AP4E1: variants seen among roughly 807,000 people sequenced by gnomAD.
AP4E1 encodes adaptor related protein complex 4 subunit epsilon 1, also known as AP-4 complex subunit epsilon-1.
In AP4E1, 56 loss-of-function variants were observed where a neutral mutation model predicts 128.2. That is an observed-to-expected ratio of 0.44 (90% CI 0.35 to 0.55). AP4E1 has a LOEUF of 0.55. AP4E1 is among the 20% of genes least tolerant of loss of function. AP4E1 has a pLI of 0.00. For synonymous variants in AP4E1, 484 were observed against 473.1 expected (o/e 1.02, Z -0.30); for missense variants, 1,324 against 1,307.7 (o/e 1.01, Z -0.19).
intron 10 of AP4E1, among the ~76,000 whole-genome samples, chr15:50,946,943 G>T (rs1156769943): frequency 1.3e-5 from 2 of 152,140 alleles, no homozygotes; most frequent in Non-Finnish European, 2.9e-5. Context: ...GGCCGAGGTG[G>T]GCGGATCACC....
At chr15:50,917,286 C>T (rs1448600854) in intron 3 of AP4E1, among the ~76,000 whole-genome samples, 1 of 152,188 alleles carries the variant, frequency 6.6e-6, no homozygotes, top group African/African-American at 2.4e-5. Flanking sequence ...GAAATGTTTA[C>T]AATTCAATCA....
At chr15:50,971,577 C>G (rs1466651050) in intron 15 of AP4E1, among the ~76,000 whole-genome samples, 1 of 152,110 alleles carries the variant, frequency 6.6e-6, no homozygotes, top group Non-Finnish European at 1.5e-5. Context: ...GCCCATAATA[C>G]AAACATTTAT....
intron 13 of AP4E1, among the ~76,000 whole-genome samples, chr15:50,957,824 G>A (rs941786169): frequency 1.3e-5 from 2 of 151,806 alleles, no homozygotes; most frequent in East Asian, 1.9e-4. Context: ...CTCTAGGCGT[G>A]TGCCACCACA....
chr15:50,971,460 G>A (rs886836618), intron 15 of AP4E1, among the ~76,000 whole-genome samples: 2 of 152,062 alleles, frequency 1.3e-5, no homozygotes, highest in Admixed American at 6.5e-5. Context: ...GGGGTTCTTT[G>A]AGCTTCCTGG....
At chr15:50,969,783 C>T (rs777204376) in intron 15 of AP4E1, among the ~76,000 whole-genome samples, 39 of 151,678 alleles carry the variant, frequency 2.6e-4, no homozygotes, top group Non-Finnish European at 3.7e-4. Flanking sequence ...CTCAGCCTCC[C>T]GAGTAGCTGG....
chr15:50,929,297 A>G (rs1401725740), intron 6 of AP4E1, 129 bp downstream of exon 6: 1 of 1,075,856 alleles, frequency 9.3e-7, no homozygotes, highest in African/African-American at 1.6e-5. Context: ...TGACCTTTGA[A>G]TTAGTAGTTT....
chr15:50,954,916 T>A (rs1420563271), intron 13 of AP4E1, among the ~76,000 whole-genome samples: 1 of 152,164 alleles, frequency 6.6e-6, no homozygotes, highest in Non-Finnish European at 1.5e-5. Flanking sequence ...ATTGTTCAAT[T>A]CCCACCTATG....
intron 15 of AP4E1, among the ~76,000 whole-genome samples, chr15:50,975,949 A>G: frequency 7.0e-6 from 1 of 143,428 alleles, no homozygotes; most frequent in Non-Finnish European, 1.6e-5. Context: ...CATCTCTACA[A>G]AAGGGACAGA....
intron 15 of AP4E1, among the ~76,000 whole-genome samples, chr15:50,973,259 A>G (rs1363607449): frequency 2.6e-5 from 4 of 152,130 alleles, no homozygotes. Flanking sequence ...GCTGTGTGCT[A>G]GGCATATTGA....
At chr15:50,971,334 C>G (rs1011004246) in intron 15 of AP4E1, among the ~76,000 whole-genome samples, 23 of 152,196 alleles carry the variant, frequency 1.5e-4, no homozygotes, top group Non-Finnish European at 5.9e-5. Context: ...ATGGGGATTC[C>G]CTTATATGTG....
chr15:51,001,571 T>G (rs1166351346), intron 20 of AP4E1, among the ~76,000 whole-genome samples: 1 of 152,190 alleles, frequency 6.6e-6, no homozygotes, highest in African/African-American at 2.4e-5. Context: ...CTCTATGAAC[T>G]TGACTGTGTT....
At chr15:50,978,498 A>G (rs2140907851) in intron 15 of AP4E1, among the ~76,000 whole-genome samples, 1 of 152,320 alleles carries the variant, frequency 6.6e-6, no homozygotes, top group East Asian at 1.9e-4. Flanking sequence ...AGTATGATAA[A>G]TGAGTGTGCA....
At chr15:50,914,960 A>G (rs1451896662) in intron 2 of AP4E1, among the ~76,000 whole-genome samples, 1 of 152,246 alleles carries the variant, frequency 6.6e-6, no homozygotes, top group Non-Finnish European at 1.5e-5. Context: ...ACTTAGCACA[A>G]TAATTCTGAA....
chr15:51,002,638 T>C lies in AP4E1; in HGVS notation c.3390T>C (p.Cys1130=). Residue 1130 remains cysteine, a synonymous_variant, in exon 21 of 21, where the codon TGT becomes TGC. Coordinates refer to ENST00000261842, the MANE Select transcript of AP4E1 (RefSeq NM_007347.5). The stretch of plus-strand genomic sequence containing the variant: ...TTCCTGACTATTTACTGTATCAGTG[T>C]CAAAAGGTGATGGAGGGATCCTAGC... ...STLPDYLLYQ[C]QKVMEGS The C allele has an allele frequency of 6.2e-7, 1 of 1,614,154 alleles. No individual in the cohort carries two copies. Among genetic ancestry groups the C allele is most frequent in the Non-Finnish European group, 8.5e-7 (1 of 1,179,988 alleles).
At chr15:50,925,319 A>T in intron 5 of AP4E1, 100 bp downstream of exon 5, 2 of 1,256,916 alleles carry the variant, frequency 1.6e-6, no homozygotes, top group South Asian at 2.5e-5. Context: ...CAGGATAGAG[A>T]TTATTTGACT....
chr15:50,963,797 A>G (rs888068894), intron 14 of AP4E1, among the ~76,000 whole-genome samples: 17 of 152,260 alleles, frequency 1.1e-4, no homozygotes, highest in African/African-American at 3.6e-4. Flanking sequence ...CATTCTATGC[A>G]TGTATCAAAG....
At chr15:50,993,121 C>T (rs2064825387) in intron 16 of AP4E1, among the ~76,000 whole-genome samples, 1 of 152,074 alleles carries the variant, frequency 6.6e-6, no homozygotes, top group African/African-American at 2.4e-5. Context: ...AAATTAAATG[C>T]TCTGAAATTT....
intron 13 of AP4E1, among the ~76,000 whole-genome samples, chr15:50,951,520 A>G (rs1047655330): frequency 3.9e-5 from 6 of 152,102 alleles, no homozygotes; most frequent in Non-Finnish European, 7.4e-5. Flanking sequence ...TTGTGCATAT[A>G]GGTGAGTGTT....
intron 8 of AP4E1, among the ~76,000 whole-genome samples, chr15:50,940,792 A>T (rs995913382): frequency 5.3e-5 from 8 of 152,210 alleles, no homozygotes; most frequent in African/African-American, 1.9e-4. Context: ...TAGTGATGAG[A>T]CTTTCGAATG....
Sources: allele counts gnomAD v4.1 joint callset (sites outside exome capture counted in the v4.1 genomes callset), GRCh38; gene constraint gnomAD v4.1.1; transcripts MANE v1.5; gene names NCBI Gene and HGNC (gene_info 2026-07-23, HGNC 2026-07-21).